CTNND2: variants seen among roughly 807,000 people sequenced by gnomAD.
CTNND2 encodes catenin delta 2.
A neutral mutation model predicts 144.4 loss-of-function variants in CTNND2; 22 were observed. The observed-to-expected ratio is 0.15, with a 90% CI of 0.11 to 0.22. The LOEUF is 0.22. Among genes scored for constraint, CTNND2 ranks in the 10% least tolerant of loss-of-function variants. The pLI is 1.00. For missense variants in CTNND2, 1,353 were observed against 1,618.8 expected, an observed-to-expected ratio of 0.84 and a Z score of 2.82; for synonymous variants, 751 against 695.6, an observed-to-expected ratio of 1.08 and a Z score of -1.25.
intron 9 of CTNND2, among the ~76,000 whole-genome samples, chr5:11,331,825 T>C (rs1307953800): frequency 1.3e-5 from 2 of 152,132 alleles, no homozygotes; most frequent in Non-Finnish European, 2.9e-5. Flanking sequence ...AAATTACAGA[T>C]AAGAGGAATA....
chr5:11,694,674 C>G (rs1385645603), intron 2 of CTNND2, among the ~76,000 whole-genome samples: 1 of 152,126 alleles, frequency 6.6e-6, no homozygotes, highest in East Asian at 1.9e-4. Context: ...ACATGAAATT[C>G]TCAAATACTG....
chr5:11,221,593 G>A (rs1739798598), intron 10 of CTNND2, among the ~76,000 whole-genome samples: 2 of 152,158 alleles, frequency 1.3e-5, no homozygotes, highest in South Asian at 2.1e-4. Context: ...AGATGACGGC[G>A]CCTTATAATC....
At chr5:11,613,694 C>T (rs896298224) in intron 2 of CTNND2, among the ~76,000 whole-genome samples, 7 of 152,202 alleles carry the variant, frequency 4.6e-5, no homozygotes. Context: ...CTGTTGCCTG[C>T]TAAAGTCTCA....
At chr5:11,855,775 A>T (rs1224138193) in intron 1 of CTNND2, among the ~76,000 whole-genome samples, 1 of 152,170 alleles carries the variant, frequency 6.6e-6, no homozygotes, top group Non-Finnish European at 1.5e-5. Flanking sequence ...CTTAGGCCTC[A>T]CCATAGACCT....
At chr5:11,618,982 A>G (rs376198283) in intron 2 of CTNND2, among the ~76,000 whole-genome samples, 1 of 152,338 alleles carries the variant, frequency 6.6e-6, no homozygotes, top group Admixed American at 6.5e-5. Context: ...GTGTGAATTC[A>G]AGAAATATAT....
chr5:11,857,391 G>A (rs908752602), intron 1 of CTNND2, among the ~76,000 whole-genome samples: 4 of 152,184 alleles, frequency 2.6e-5, no homozygotes, highest in Non-Finnish European at 5.9e-5. Flanking sequence ...AAATGACAAT[G>A]AGGCTGGAGC....
chr5:11,707,999 C>T (rs964792618), intron 2 of CTNND2, among the ~76,000 whole-genome samples: 2 of 151,952 alleles, frequency 1.3e-5, no homozygotes, highest in Non-Finnish European at 2.9e-5. Context: ...AGTGGTAACT[C>T]ACATATATTC....
intron 2 of CTNND2, among the ~76,000 whole-genome samples, chr5:11,714,972 G>A (rs1284494549): frequency 1.3e-5 from 2 of 151,652 alleles, no homozygotes; most frequent in African/African-American, 4.8e-5. Context: ...TACGTGTATT[G>A]CGATACATTA....
In CTNND2 at chr5:11,558,366, GTGTGTGTGTGTGTGTGAC is replaced by G. The variant is rs770068258; in HGVS notation, c.287+6560_287+6577del. On this transcript the variant is annotated intron_variant, in intron 3 of 21. Coordinates refer to ENST00000304623, the MANE Select transcript of CTNND2 (RefSeq NM_001332.4). ...CGTGTGTGTGTGTGTGTGTGTGTGTGTGTGTGTGTGTGTGTGACACACAAGGTCTCACTCTGTTGCCCA... is the reference window on the plus strand; with the variant it reads ...CGTGTGTGTGTGTGTGTGTGTGTGTGACACAAGGTCTCACTCTGTTGCCCA... 4.5e-3 allele frequency among the ~76,000 whole-genome samples: 441 copies of G among 97,362 alleles called. 2 individuals carry two copies. Among genetic ancestry groups the G allele is most frequent in the African/African-American group, 0.014 (421 of 30,744 alleles). The allele number at this position is 97,362 out of a possible 152,430, so 63.9% of individuals were successfully genotyped here.
intron 2 of CTNND2, among the ~76,000 whole-genome samples, chr5:11,615,009 T>C (rs1407548560): frequency 6.6e-6 from 1 of 152,200 alleles, no homozygotes; most frequent in Non-Finnish European, 1.5e-5. Flanking sequence ...TAGTAGAATC[T>C]AGTAGAATTT....
chr5:11,158,175 C>A (rs1758407984), intron 12 of CTNND2, among the ~76,000 whole-genome samples: 1 of 152,138 alleles, frequency 6.6e-6, no homozygotes, highest in Non-Finnish European at 1.5e-5. Context: ...GCAGTCTTCA[C>A]TAGGGACCCT....
At chr5:11,110,426 A>G (rs1048451109) in intron 14 of CTNND2, among the ~76,000 whole-genome samples, 2 of 152,180 alleles carry the variant, frequency 1.3e-5, no homozygotes, top group African/African-American at 4.8e-5. Context: ...CTTCGAAACC[A>G]GCGATTAAAT....
At chr5:11,769,735 G>C (rs532656766) in intron 1 of CTNND2, among the ~76,000 whole-genome samples, 7 of 152,194 alleles carry the variant, frequency 4.6e-5, no homozygotes, top group African/African-American at 1.4e-4. Context: ...CCCAGAATAA[G>C]CCATTCAGTT....
At chr5:11,791,096 A>G (rs1260344510) in intron 1 of CTNND2, among the ~76,000 whole-genome samples, 1 of 152,208 alleles carries the variant, frequency 6.6e-6, no homozygotes, top group Non-Finnish European at 1.5e-5. Context: ...CATATCTACA[A>G]GCAAGGAATG....
At chr5:11,075,539 T>C (rs537101636) in intron 16 of CTNND2, among the ~76,000 whole-genome samples, 8 of 152,320 alleles carry the variant, frequency 5.3e-5, no homozygotes, top group South Asian at 2.1e-4. Context: ...ACACGGAGGA[T>C]AGGTCCTTCT....
rs756266353 is a variant in CTNND2, at chr5:11,397,124, A to T, written c.519T>A (p.His173Gln). 1 of 1,614,040 alleles carries T rather than the reference A, an allele frequency of 6.2e-7. No individual in the cohort carries two copies. The highest frequency in any genetic ancestry group is 8.5e-7 in the Non-Finnish European group (1 of 1,180,032). Residue 173 changes from histidine to glutamine, a missense_variant, in exon 6 of 22, where the codon CAT (histidine) becomes CAA (glutamine). Around this residue, in one of 4 missense-constraint regions of CTNND2, gnomAD observed 708 missense variants for 706.4 expected, o/e 1.00. Coordinates refer to ENST00000304623, the MANE Select transcript of CTNND2 (RefSeq NM_001332.4). ...CCCCCAGGGCCAGGGTCTGGTTGCT[A>T]TGGTAGCTGGCCGGATACTGGAAAG... is the stretch of plus-strand genomic sequence containing the variant. Reference protein sequence around the residue: ...EGSFQYPASYHSNQTLALGET... With the variant: ...EGSFQYPASYQSNQTLALGET...
chr5:11,073,362 T>C (rs1170260085), intron 16 of CTNND2, among the ~76,000 whole-genome samples: 1 of 152,226 alleles, frequency 6.6e-6, no homozygotes, highest in African/African-American at 2.4e-5. Flanking sequence ...CGGAAACTGT[T>C]TGGCCAGACA....
chr5:11,789,055 A>T (rs1327294145), intron 1 of CTNND2, among the ~76,000 whole-genome samples: 2 of 152,188 alleles, frequency 1.3e-5, no homozygotes, highest in African/African-American at 4.8e-5. Context: ...CGATCATTAA[A>T]AAGTCAGGGA....
intron 9 of CTNND2, among the ~76,000 whole-genome samples, chr5:11,244,232 C>T (rs1296195565): frequency 1.3e-5 from 2 of 151,410 alleles, no homozygotes; most frequent in Non-Finnish European, 2.9e-5. Flanking sequence ...TATCTTAATC[C>T]TCATTCCTGG....
Sources: gnomAD v4.1 joint callset for allele counts (sites outside exome capture counted in the v4.1 genomes callset) on GRCh38, gnomAD v4.1.1 for gene constraint, gnomAD v4.1.1 regional missense constraint, MANE v1.5 for transcripts, NCBI Gene and HGNC (gene_info 2026-07-23, HGNC 2026-07-21) for gene names.